The following TMEM229B variants were observed in gnomAD, a reference collection of about 807,000 sequenced individuals.
TMEM229B encodes the protein transmembrane protein 229B, also known as chromosome 14 open reading frame 83.
Under a neutral mutation model 13.7 loss-of-function variants are expected in TMEM229B, and 6 were observed. The observed-to-expected ratio is 0.44, with a 90% confidence interval of 0.24 to 0.86. The LOEUF (loss-of-function observed/expected upper bound fraction) is 0.86, where lower values mean the gene tolerates loss of function less well. Among genes scored for constraint, TMEM229B ranks in the 40% least tolerant of loss-of-function variants. The probability of loss-of-function intolerance (pLI) is 0.23; values close to 1 mark genes in which losing one functional copy is unlikely to be tolerated. For synonymous variants in TMEM229B, 107 were observed against 102.1 expected (o/e 1.05, Z -0.29); for missense variants, 170 against 236.0 (o/e 0.72, Z 1.83).
chr14:67,488,261 C>T (rs962097586), intron 1 of TMEM229B, among the ~76,000 whole-genome samples: 1 of 152,262 alleles, frequency 6.6e-6, no homozygotes, highest in South Asian at 2.1e-4. Flanking sequence ...GAGTAGAGGC[C>T]GCTTGGGCCC....
intron 2 of TMEM229B, among the ~76,000 whole-genome samples, chr14:67,478,400 T>C (rs1566673922): frequency 6.6e-6 from 1 of 152,356 alleles, no homozygotes; most frequent in East Asian, 1.9e-4. Flanking sequence ...ACTCTTCTCA[T>C]TGCTGCCACT....
At chr14:67,521,790 T>A (rs554456332) in intron 1 of TMEM229B, among the ~76,000 whole-genome samples, 4 of 152,166 alleles carry the variant, frequency 2.6e-5, no homozygotes, top group Non-Finnish European at 5.9e-5. Context: ...AAAGTGAGAA[T>A]AAGAGCACAC....
chr14:67,476,617 A>G (rs1156359451), intron 2 of TMEM229B, among the ~76,000 whole-genome samples: 1 of 152,134 alleles, frequency 6.6e-6, no homozygotes, highest in African/African-American at 2.4e-5. Flanking sequence ...AAAATAAAAA[A>G]GATTCATGTG....
chr14:67,473,630 G>C lies in TMEM229B; in HGVS notation c.294C>G (p.Phe98Leu). The C allele has an allele frequency of 6.3e-7, 1 of 1,586,550 alleles. No homozygotes were observed. Among genetic ancestry groups the C allele is most frequent in the Non-Finnish European group, 8.6e-7 (1 of 1,166,508 alleles). ...GGGAGTAGTCCCAGGGGCAGGCGTT[G>C]AACTGGCGCAGGATGAAGCCGGTGG... ...EFTTGFILRQFNACPWDYSQF... is the reference protein window; with the variant it reads ...EFTTGFILRQLNACPWDYSQF... The change falls in exon 3 of 3, where the codon TTC becomes TTG. Residue 98 changes from phenylalanine to leucine, a missense_variant. By Grantham distance (22) the Phe-to-Leu change is conservative (BLOSUM62 0). Transcript: ENST00000554480. The surrounding 1 kb of genome is among the most constrained non-coding windows in gnomAD (Gnocchi z 6.5).
chr14:67,477,071 C>G (rs2031251442), intron 2 of TMEM229B, among the ~76,000 whole-genome samples: 2 of 151,768 alleles, frequency 1.3e-5, no homozygotes, highest in South Asian at 4.1e-4. Flanking sequence ...GAGGCTGAGA[C>G]AGGAGAACCG....
Position 67,512,815 on chromosome 14 carries a change from T to C in TMEM229B, c.-192+2271A>G, listed in dbSNP as rs73272303. Among the ~76,000 whole-genome samples, 941 of 152,196 alleles carry C rather than the reference T, an allele frequency of 6.2e-3. 9 individuals are homozygous for C. The highest frequency in any genetic ancestry group is 0.022 in the African/African-American group (907 of 41,516). ...CCCACCAGGAAGGAGCTCCAAGCCA[T>C]CCTGGGAGGTAAGCAGAAAAAAAAG... On this transcript the variant is annotated intron_variant, in intron 1 of 2. Coordinates refer to the TMEM229B transcript ENST00000357461.
intron 2 of TMEM229B, among the ~76,000 whole-genome samples, chr14:67,481,151 G>C (rs1460708675): frequency 6.6e-6 from 1 of 152,154 alleles, no homozygotes; most frequent in Non-Finnish European, 1.5e-5. Flanking sequence ...AAGTAGGCTG[G>C]TTTGATGTGG....
Position 67,473,034 on chromosome 14 carries a change from CGGAG to C in TMEM229B, c.*382_*385del. On this transcript the variant is annotated 3_prime_UTR_variant, in exon 3 of 3. Transcript: ENST00000554480. This position sits in a 1 kb window ranked among gnomAD's most constrained non-coding sequence, Gnocchi z 6.5. ...AGCCAAAGCTCAACTAAATCCAGATCGGAGGGAGGGAGGTCAGGCCTTGCCTCCC... is the reference window on the plus strand; with the variant it reads ...AGCCAAAGCTCAACTAAATCCAGATCGGAGGGAGGTCAGGCCTTGCCTCCC... 4.4e-6 allele frequency: 1 copy of C among 229,554 alleles called. No individual in the cohort carries two copies. Among genetic ancestry groups the C allele is most frequent in the South Asian group, 7.6e-5 (1 of 13,164 alleles). 14.2% of individuals were successfully genotyped at this position (229,554 alleles called of 1,614,324 possible).
At chr14:67,522,189 AG>A (rs1474846793) in intron 1 of TMEM229B, among the ~76,000 whole-genome samples, 3 of 152,206 alleles carry the variant, frequency 2.0e-5, no homozygotes, top group Non-Finnish European at 4.4e-5. Flanking sequence ...AAACAAAAAA[AG>A]AAAAAAAGGA....
At chr14:67,530,414 T>C (rs146097016) in intron 1 of TMEM229B, among the ~76,000 whole-genome samples, 1 of 152,154 alleles carries the variant, frequency 6.6e-6, no homozygotes, top group African/African-American at 2.4e-5. Flanking sequence ...TTCCCTCCCA[T>C]AGTGCTGTCC....
At chr14:67,508,082 G>C (rs2032892374) in intron 1 of TMEM229B, among the ~76,000 whole-genome samples, 1 of 148,958 alleles carries the variant, frequency 6.7e-6, no homozygotes, top group East Asian at 2.0e-4. Flanking sequence ...AGTTTGCTGT[G>C]AGCCGAAGTC....
intron 1 of TMEM229B, 91 bp downstream of exon 1, chr14:67,488,417 C>T (rs1417587903): frequency 6.6e-6 from 1 of 152,478 alleles, no homozygotes; most frequent in Non-Finnish European, 1.5e-5. Flanking sequence ...CTGAGAGCAT[C>T]ACAGTGGGCT....
upstream of TMEM229B, among the ~76,000 whole-genome samples, chr14:67,516,979 G>A (rs1485275436): frequency 4.6e-5 from 7 of 152,168 alleles, no homozygotes; most frequent in Non-Finnish European, 1.0e-4. Context: ...AATGACCCAA[G>A]GACATCATGC....
intron 2 of TMEM229B, among the ~76,000 whole-genome samples, chr14:67,486,487 A>T (rs150006492): frequency 0.016 from 2,363 of 152,252 alleles, 58 homozygotes; most frequent in Admixed American, 0.062. Flanking sequence ...GTTGGCCAGG[A>T]TGGTCTCAAT....
At chr14:67,489,653 G>A (rs1270799376), upstream of TMEM229B, among the ~76,000 whole-genome samples, 3 of 152,126 alleles carry the variant, frequency 2.0e-5, no homozygotes, top group Admixed American at 6.6e-5. Flanking sequence ...TTCCCAGGGG[G>A]ATCTGACCAT....
chr14:67,490,301 T>C (rs951515360), upstream of TMEM229B, among the ~76,000 whole-genome samples: 3 of 152,130 alleles, frequency 2.0e-5, no homozygotes, highest in African/African-American at 7.2e-5. Flanking sequence ...CCAGGAGCCA[T>C]TGCACCACCA....
intron 1 of TMEM229B, among the ~76,000 whole-genome samples, chr14:67,499,259 C>T (rs1392091471): frequency 6.6e-6 from 1 of 152,150 alleles, no homozygotes; most frequent in Non-Finnish European, 1.5e-5. Context: ...CTGCCTCGAC[C>T]TCCCAAGGCA....
chr14:67,512,869 T>C (rs2033074163), intron 1 of TMEM229B, among the ~76,000 whole-genome samples: 1 of 152,158 alleles, frequency 6.6e-6, no homozygotes, highest in Non-Finnish European at 1.5e-5. Context: ...CAGCGAGAGC[T>C]TTTCTGATAA....
chr14:67,500,635 G>A (rs575125404), intron 1 of TMEM229B, among the ~76,000 whole-genome samples: 1 of 148,396 alleles, frequency 6.7e-6, no homozygotes, highest in Non-Finnish European at 1.5e-5. Flanking sequence ...GCAGTGGCGC[G>A]ATCTCGGCTC....
Sources: gnomAD v4.1 joint callset for allele counts (sites outside exome capture counted in the v4.1 genomes callset) on GRCh38, gnomAD v4.1.1 for gene constraint, Gnocchi (gnomAD v3.1) non-coding constraint, MANE v1.5 for transcripts, NCBI Gene and HGNC (gene_info 2026-07-23, HGNC 2026-07-21) for gene names.